Variants in ALG5 observed in about 807,000 individuals in gnomAD.
The protein encoded by ALG5 is ALG5 dolichyl-phosphate beta-glucosyltransferase.
In ALG5, 26 loss-of-function variants were observed where a neutral mutation model predicts 51.8. The ratio of observed to expected loss-of-function variants is 0.50; its 90% CI spans 0.37 to 0.70. The LOEUF is 0.70. Among genes scored for constraint, ALG5 ranks in the 30% least tolerant of loss-of-function variants. ALG5 has a pLI of 0.00. For missense variants in ALG5, 311 were observed against 399.3 expected (o/e 0.78, Z 1.88); for synonymous variants, 141 against 136.1 (o/e 1.04, Z -0.25).
intron 7 of ALG5, among the ~76,000 whole-genome samples, chr13:36,968,431 AT>A (rs1231135190): frequency 6.6e-6 from 1 of 152,262 alleles, no homozygotes; most frequent in African/African-American, 2.4e-5. Flanking sequence ...AACTAAAAAC[AT>A]TAAGTAACCA....
At chr13:36,982,023 G>A (rs564723649) in intron 6 of ALG5, among the ~76,000 whole-genome samples, 1 of 152,282 alleles carries the variant, frequency 6.6e-6, no homozygotes, top group African/African-American at 2.4e-5. Flanking sequence ...CCCGGGAGGC[G>A]GAGCTTGCAG....
In ALG5 at chr13:36,999,221, A is replaced by G; in HGVS notation, c.66+14T>C. The G allele has an allele frequency of 6.4e-7, 1 of 1,560,324 alleles. No individual in the cohort carries two copies. The highest frequency in any genetic ancestry group is 8.7e-7 in the Non-Finnish European group (1 of 1,155,062). ...TAAGCCCCGGCCTGCGCGGGTTCCC[A>G]TCCCTGTTCTCACCAGTACGAGGGC... On this transcript the variant is annotated intron_variant, in intron 1 of 9. Coordinates refer to ENST00000239891, the MANE Select transcript of ALG5 (RefSeq NM_013338.5).
At chr13:36,980,790 C>A (rs1294258755) in intron 6 of ALG5, among the ~76,000 whole-genome samples, 1 of 151,766 alleles carries the variant, frequency 6.6e-6, no homozygotes, top group Non-Finnish European at 1.5e-5. Flanking sequence ...CTGGCCAACA[C>A]AGTGAAACCC....
chr13:36,985,565 C>T (rs1304238543), intron 6 of ALG5, 62 bp downstream of exon 6: 1 of 1,357,626 alleles, frequency 7.4e-7, no homozygotes, highest in East Asian at 2.3e-5. Flanking sequence ...TCTCCTTTAA[C>T]TTTACTTTAG....
intron 6 of ALG5, among the ~76,000 whole-genome samples, chr13:36,973,642 A>G (rs962557337): frequency 1.3e-5 from 2 of 152,252 alleles, no homozygotes; most frequent in Non-Finnish European, 2.9e-5. Context: ...ACCATATTCA[A>G]AACTAAAAGA....
At chr13:36,989,212 T>C (rs925852440) in intron 5 of ALG5, among the ~76,000 whole-genome samples, 1 of 152,200 alleles carries the variant, frequency 6.6e-6, no homozygotes, top group African/African-American at 2.4e-5. Context: ...ACATAAGCTA[T>C]CTGCTAACTC....
In ALG5 at chr13:36,990,923, C is replaced by T. The variant is rs145032411; in HGVS notation, c.355-1347G>A. Among the ~76,000 whole-genome samples the T allele has an allele frequency of 1.2e-3, 184 of 152,302 alleles. 1 individual carries two copies. The highest frequency in any genetic ancestry group is 4.3e-3 in the African/African-American group (177 of 41,564). Reference sequence around the variant, plus strand: ...TCCCCTAAAGTCCCCACATCTCTACCCTGACTCCCTAATTCATTCCTAAAG... The same window carrying T: ...TCCCCTAAAGTCCCCACATCTCTACTCTGACTCCCTAATTCATTCCTAAAG... On this transcript the variant is annotated intron_variant, in intron 4 of 9. Coordinates refer to ENST00000239891, the MANE Select transcript of ALG5 (RefSeq NM_013338.5).
intron 6 of ALG5, among the ~76,000 whole-genome samples, chr13:36,975,975 A>G (rs1276149881): frequency 6.7e-6 from 1 of 148,984 alleles, no homozygotes; most frequent in East Asian, 1.9e-4. Context: ...ACTTGTCTCA[A>G]AAAAAAAAAA....
chr13:36,969,987 T>C (rs1398830565), intron 7 of ALG5, among the ~76,000 whole-genome samples: 2 of 151,240 alleles, frequency 1.3e-5, no homozygotes, highest in African/African-American at 4.8e-5. Context: ...TATAGCTGTA[T>C]TTCCTATTGT....
intron 8 of ALG5, among the ~76,000 whole-genome samples, chr13:36,961,105 A>C (rs1035236006): frequency 2.0e-4 from 31 of 152,066 alleles, no homozygotes; most frequent in African/African-American, 7.5e-4. Flanking sequence ...AGAAAACCAC[A>C]ATAAAAAATA....
chr13:36,954,480 T>C (rs1423818633), intron 8 of ALG5, among the ~76,000 whole-genome samples: 1 of 152,170 alleles, frequency 6.6e-6, no homozygotes, highest in Admixed American at 6.5e-5. Flanking sequence ...CTTGAGCCAC[T>C]GTGTCTGACC....
chr13:36,985,043 T>C (rs1338768739), intron 6 of ALG5, among the ~76,000 whole-genome samples: 5 of 152,032 alleles, frequency 3.3e-5, no homozygotes, highest in Admixed American at 2.0e-4. Context: ...GGGTGCTTTT[T>C]CATTCTCTTA....
At chr13:36,955,580 C>T (rs1431952935) in intron 8 of ALG5, among the ~76,000 whole-genome samples, 1 of 147,286 alleles carries the variant, frequency 6.8e-6, no homozygotes, top group African/African-American at 2.5e-5. Flanking sequence ...TTGAGGAAAT[C>T]TCAAAAGATC....
intron 1 of ALG5, among the ~76,000 whole-genome samples, chr13:36,995,855 G>A (rs1239083924): frequency 8.6e-5 from 13 of 152,012 alleles, no homozygotes; most frequent in Non-Finnish European, 4.4e-5. Flanking sequence ...GTCATCATTC[G>A]CCAGGCCTCC....
At position 36,952,743 on chromosome 13, in the gene ALG5, A is replaced by G. The variant is rs41292223; in HGVS notation, c.774-144T>C. On this transcript the variant is annotated intron_variant, in intron 8 of 9. Transcript: ENST00000239891. Reference sequence around the variant, plus strand: ...TGAAGATCAGATTCACAGAAATCAAATAATTCAAAGCTGAGTAGTTCAGAA... The same window carrying G: ...TGAAGATCAGATTCACAGAAATCAAGTAATTCAAAGCTGAGTAGTTCAGAA... 7.7e-3 allele frequency: 3,907 copies of G among 507,270 alleles called. 19 individuals are homozygous for G. Among genetic ancestry groups the G allele is most frequent in the Non-Finnish European group, 0.011 (3,163 of 293,228 alleles). The allele number at this position is 507,270 out of a possible 1,614,324, so 31.4% of individuals were successfully genotyped here.
At chr13:36,981,643 G>C (rs1156960274) in intron 6 of ALG5, among the ~76,000 whole-genome samples, 1 of 152,194 alleles carries the variant, frequency 6.6e-6, no homozygotes, top group Admixed American at 6.6e-5. Flanking sequence ...CACCAGTATA[G>C]AGATGGAGAG....
At chr13:36,950,087 T>C in intron 9 of ALG5, 30 bp from the exon 10 acceptor site, 1 of 1,385,258 alleles carries the variant, frequency 7.2e-7, no homozygotes, top group East Asian at 2.3e-5. Flanking sequence ...AAAAACAAAT[T>C]AGCTTAAATA....
intron 6 of ALG5, among the ~76,000 whole-genome samples, chr13:36,976,485 T>C (rs1453766502): frequency 2.0e-5 from 3 of 149,044 alleles, no homozygotes; most frequent in African/African-American, 7.4e-5. Flanking sequence ...CGGTGGTTCA[T>C]GGCTATAATC....
intron 4 of ALG5, among the ~76,000 whole-genome samples, chr13:36,992,138 T>C (rs973868080): frequency 6.6e-6 from 1 of 152,236 alleles, no homozygotes; most frequent in African/African-American, 2.4e-5. Context: ...GTCTTTATTA[T>C]CTAAGCCACT....
Sources: allele counts gnomAD v4.1 joint callset (sites outside exome capture counted in the v4.1 genomes callset), GRCh38; gene constraint gnomAD v4.1.1; transcripts MANE v1.5; gene names NCBI Gene and HGNC (gene_info 2026-07-23, HGNC 2026-07-21).